Variants in PALS2 observed in about 807,000 individuals in gnomAD.
PALS2 encodes the protein protein PALS2.
In PALS2, 27 loss-of-function variants were observed where a neutral mutation model predicts 61.6. That is an observed-to-expected ratio of 0.44 (90% CI 0.32 to 0.60). The LOEUF (loss-of-function observed/expected upper bound fraction) is 0.60. Ranked by LOEUF, PALS2 falls within the 20% of genes least tolerant of loss-of-function variation. The probability of loss-of-function intolerance (pLI) is 0.05; values close to 1 mark genes in which losing one functional copy is unlikely to be tolerated. For missense variants in PALS2, 554 were observed against 639.4 expected, an observed-to-expected ratio of 0.87 and a Z score of 1.44; for synonymous variants, 236 against 218.6, an observed-to-expected ratio of 1.08 and a Z score of -0.70.
chr7:24,608,290 T>A (rs1222213366), intron 1 of PALS2, among the ~76,000 whole-genome samples: 1 of 152,182 alleles, frequency 6.6e-6, no homozygotes, highest in Non-Finnish European at 1.5e-5. Flanking sequence ...TTCTGAGGTT[T>A]CACTTAGTGT....
intron 9 of PALS2, among the ~76,000 whole-genome samples, chr7:24,671,787 A>G (rs376031354): frequency 1.3e-5 from 2 of 152,256 alleles, no homozygotes; most frequent in African/African-American, 4.8e-5. Flanking sequence ...ACAATTTGTC[A>G]AAAAGAATAG....
chr7:24,579,374 A>G (rs2128038676), intron 1 of PALS2, among the ~76,000 whole-genome samples: 1 of 152,366 alleles, frequency 6.6e-6, no homozygotes, highest in South Asian at 2.1e-4. Context: ...TAAATAGAAA[A>G]GGCTGGAAAT....
chr7:24,692,799 C>T lies in PALS2; in HGVS notation c.*5185C>T, dbSNP rs1201882254. 1 of 152,118 alleles carries T rather than the reference C, an allele frequency of 6.6e-6. No homozygotes were observed. The highest frequency in any genetic ancestry group is 1.5e-5 in the Non-Finnish European group (1 of 67,986). 9.4% of individuals were successfully genotyped at this position (152,118 alleles called of 1,614,324 possible). ...CTGATCTTTGCCCCCGAAAACTGTC[C>T]TACTTTATCCTTATACCTGAAATCA... On this transcript the variant is annotated 3_prime_UTR_variant, in exon 12 of 12. Transcript: ENST00000222644.
intron 5 of PALS2, among the ~76,000 whole-genome samples, chr7:24,661,729 C>G (rs1404968745): frequency 1.3e-5 from 2 of 152,128 alleles, no homozygotes; most frequent in African/African-American, 4.8e-5. Flanking sequence ...GAGGTAGTTG[C>G]CTTACCAAAT....
At chr7:24,622,590 G>T (rs533653322) in intron 1 of PALS2, among the ~76,000 whole-genome samples, 1 of 150,984 alleles carries the variant, frequency 6.6e-6, no homozygotes, top group Non-Finnish European at 1.5e-5. Flanking sequence ...TGTATATTAG[G>T]ATTTTCCATA....
chr7:24,628,861 A>G (rs1784864067), intron 2 of PALS2, among the ~76,000 whole-genome samples: 1 of 152,208 alleles, frequency 6.6e-6, no homozygotes, highest in Non-Finnish European at 1.5e-5. Context: ...AAATGGAAAA[A>G]CATTCCATGC....
At chr7:24,644,446 A>G (rs1190662534) in intron 3 of PALS2, among the ~76,000 whole-genome samples, 2 of 152,040 alleles carry the variant, frequency 1.3e-5, no homozygotes, top group East Asian at 3.8e-4. Context: ...TCTCATTTTT[A>G]TGGCTGCCCA....
intron 1 of PALS2, among the ~76,000 whole-genome samples, chr7:24,607,751 C>T (rs1001677545): frequency 1.3e-5 from 2 of 151,668 alleles, no homozygotes; most frequent in African/African-American, 4.8e-5. Context: ...TGGAAGCAGC[C>T]TGTATGTCTT....
At chr7:24,653,135 A>G (rs1786246643) in intron 5 of PALS2, among the ~76,000 whole-genome samples, 1 of 152,220 alleles carries the variant, frequency 6.6e-6, no homozygotes. Context: ...TCAAGGATAT[A>G]CATTAAAAAT....
At chr7:24,639,457 C>G (rs1050459130) in intron 2 of PALS2, among the ~76,000 whole-genome samples, 5 of 151,554 alleles carry the variant, frequency 3.3e-5, no homozygotes, top group South Asian at 4.2e-4. Context: ...GTATCCAACG[C>G]AGAAAAAAAA....
intron 2 of PALS2, among the ~76,000 whole-genome samples, chr7:24,630,832 A>T (rs1452169198): frequency 1.3e-5 from 2 of 152,240 alleles, no homozygotes; most frequent in East Asian, 3.8e-4. Flanking sequence ...ATCTGTTTAC[A>T]GCATGGTGTG....
intron 5 of PALS2, among the ~76,000 whole-genome samples, chr7:24,652,918 T>C (rs1195559153): frequency 2.0e-5 from 3 of 152,214 alleles, no homozygotes; most frequent in Non-Finnish European, 4.4e-5. Flanking sequence ...TAAGTATCTA[T>C]GTTTTAAATT....
chr7:24,654,313 C>T (rs780996335), intron 5 of PALS2, among the ~76,000 whole-genome samples: 1 of 151,354 alleles, frequency 6.6e-6, no homozygotes, highest in Non-Finnish European at 1.5e-5. Context: ...ATAAATTATA[C>T]AAGCAAAATG....
chr7:24,691,818 G>C lies in PALS2; in HGVS notation c.*4204G>C, dbSNP rs375626441. ...TGTCTTATTTCAAGAGGTTTGCTGT[G>C]AGAATTCATGTAATAACATCTGTAA... is the stretch of plus-strand genomic sequence containing the variant. On this transcript the variant is annotated 3_prime_UTR_variant, in exon 12 of 12. Transcript: ENST00000222644. 2.6e-5 allele frequency: 4 copies of C among 152,046 alleles called. No individual in the cohort carries two copies. The East Asian group carries it at 5.8e-4, about 22-fold the overall frequency. 9.4% of individuals were successfully genotyped at this position (152,046 alleles called of 1,614,324 possible).
At chr7:24,653,517 A>G (rs576011554) in intron 5 of PALS2, among the ~76,000 whole-genome samples, 1 of 152,176 alleles carries the variant, frequency 6.6e-6, no homozygotes, top group African/African-American at 2.4e-5. Context: ...CCAATACCCC[A>G]CGAAGTTTAA....
chr7:24,600,245 A>G (rs1480633001), intron 1 of PALS2, among the ~76,000 whole-genome samples: 1 of 152,106 alleles, frequency 6.6e-6, no homozygotes, highest in Non-Finnish European at 1.5e-5. Context: ...TAAACCCTTC[A>G]CTGTACATTT....
intron 5 of PALS2, among the ~76,000 whole-genome samples, chr7:24,652,779 T>C (rs998891688): frequency 2.6e-5 from 4 of 152,204 alleles, no homozygotes. Flanking sequence ...TCTGGATTGC[T>C]GCAAGAGCAA....
At chr7:24,582,080 A>G (rs894079297) in intron 1 of PALS2, among the ~76,000 whole-genome samples, 1 of 152,220 alleles carries the variant, frequency 6.6e-6, no homozygotes, top group Non-Finnish European at 1.5e-5. Context: ...CAGTCTGCAT[A>G]TAAGATCTAG....
chr7:24,665,698 C>A lies in PALS2; in HGVS notation c.883+11C>A. The A allele has an allele frequency of 3.1e-6, 5 of 1,605,980 alleles. No homozygotes were observed. Among genetic ancestry groups the A allele is most frequent in the Non-Finnish European group, 4.3e-6 (5 of 1,172,950 alleles). Reference sequence around the variant, plus strand: ...ACTGGGACAATTCAGGTGATGAGCTCGACACAATAAGTAACAAGCAGTCCT... The same window carrying A: ...ACTGGGACAATTCAGGTGATGAGCTAGACACAATAAGTAACAAGCAGTCCT... On this transcript the variant is annotated intron_variant, in intron 7 of 11. Coordinates refer to ENST00000222644, the MANE Select transcript of PALS2 (RefSeq NM_001303037.2).
Sources: gnomAD v4.1 joint callset for allele counts (sites outside exome capture counted in the v4.1 genomes callset) on GRCh38, gnomAD v4.1.1 for gene constraint, MANE v1.5 for transcripts, NCBI Gene and HGNC (gene_info 2026-07-23, HGNC 2026-07-21) for gene names.